Variants in HDAC4 observed in about 807,000 individuals in gnomAD.
HDAC4 encodes histone deacetylase A.
In HDAC4, 16 loss-of-function variants were observed where a neutral mutation model predicts 135.1. The ratio of observed to expected loss-of-function variants is 0.12; its 90% CI spans 0.08 to 0.18. HDAC4 has a LOEUF of 0.18. Ranked by LOEUF, HDAC4 falls within the 10% of genes least tolerant of loss-of-function variation. The pLI is 1.00. For synonymous variants in HDAC4, 685 were observed against 653.4 expected, an observed-to-expected ratio of 1.05 and a Z score of -0.74; for missense variants, 1,143 against 1,511.8, an observed-to-expected ratio of 0.76 and a Z score of 4.05.
At position 239,079,297 on chromosome 2, in the gene HDAC4, G is replaced by A. The variant is rs551148190; in HGVS notation, c.2750+1798C>T. ...TAAGAAGAAACATCAAAATCAAACC[G>A]ATGAGATCAGGGGAAAAGTGGTTCA... On this transcript the variant is annotated intron_variant, in intron 22 of 26. Coordinates refer to ENST00000543185, the MANE Select transcript of HDAC4 (RefSeq NM_001378414.1). Among the ~76,000 whole-genome samples, 132 of 152,314 alleles carry A rather than the reference G, an allele frequency of 8.7e-4. 1 individual carries two copies. The highest frequency in any genetic ancestry group is 2.6e-3 in the African/African-American group (110 of 41,554).
chr2:239,066,961 T>C, intron 23 of HDAC4, 106 bp from the exon 24 acceptor site: 1 of 1,374,620 alleles, frequency 7.3e-7, no homozygotes, highest in Non-Finnish European at 1.0e-6. Context: ...GGCTGGGGTG[T>C]CGAGACACAT....
At chr2:239,350,486 A>G (rs536076032) in intron 2 of HDAC4, among the ~76,000 whole-genome samples, 14 of 152,124 alleles carry the variant, frequency 9.2e-5, no homozygotes, top group Non-Finnish European at 1.8e-4. Flanking sequence ...TCCTATATAT[A>G]AATAAAATAT....
intron 2 of HDAC4, among the ~76,000 whole-genome samples, chr2:239,273,878 A>G (rs1353572193): frequency 1.3e-5 from 2 of 152,252 alleles, no homozygotes. Flanking sequence ...CAACAGCCAC[A>G]TACAAAAAGA....
chr2:239,376,050 G>A (rs577237387), intron 1 of HDAC4, among the ~76,000 whole-genome samples: 18 of 152,336 alleles, frequency 1.2e-4, no homozygotes, highest in Middle Eastern at 3.4e-3. Flanking sequence ...GCAGGTTCTG[G>A]GCAATGATGT....
intron 2 of HDAC4, among the ~76,000 whole-genome samples, chr2:239,271,194 G>C (rs1208632713): frequency 1.3e-5 from 2 of 152,174 alleles, no homozygotes; most frequent in Non-Finnish European, 2.9e-5. Flanking sequence ...GCTCACTGCA[G>C]CCTCGACTTC....
At chr2:239,201,850 C>G (rs188916263) in intron 3 of HDAC4, among the ~76,000 whole-genome samples, 2 of 152,196 alleles carry the variant, frequency 1.3e-5, no homozygotes, top group Admixed American at 1.3e-4. Context: ...TTATGTAAAT[C>G]GGCTTTCACT....
At chr2:239,127,510 A>C (rs947216164) in intron 11 of HDAC4, among the ~76,000 whole-genome samples, 1 of 152,238 alleles carries the variant, frequency 6.6e-6, no homozygotes, top group Admixed American at 6.5e-5. Context: ...TTTTGTGGGC[A>C]AAAGGATCTA....
chr2:239,266,490 G>T (rs904921783), intron 2 of HDAC4, among the ~76,000 whole-genome samples: 1 of 152,200 alleles, frequency 6.6e-6, no homozygotes, highest in Non-Finnish European at 1.5e-5. Context: ...AGGTGCCTCC[G>T]GGGCTGCTGA....
chr2:239,357,888 C>CAAAAAAAA (rs71043188), intron 1 of HDAC4, among the ~76,000 whole-genome samples: 2 of 55,616 alleles, frequency 3.6e-5, no homozygotes, highest in African/African-American at 8.7e-5. Context: ...GCCTCTGTTC[C>CAAAAAAAA]AAAAAAAAAA....
At chr2:239,322,259 A>G (rs1223690169) in intron 2 of HDAC4, among the ~76,000 whole-genome samples, 1 of 152,244 alleles carries the variant, frequency 6.6e-6, no homozygotes, top group Non-Finnish European at 1.5e-5. Context: ...TCCAGATCCT[A>G]TTCTACTGCC....
chr2:239,327,609 T>C (rs1224337594), intron 2 of HDAC4, among the ~76,000 whole-genome samples: 1 of 152,216 alleles, frequency 6.6e-6, no homozygotes, highest in Non-Finnish European at 1.5e-5. Flanking sequence ...AATCTTGAAA[T>C]CAGACGCTAG....
chr2:239,122,941 G>T (rs957134217), intron 12 of HDAC4, among the ~76,000 whole-genome samples: 1 of 152,196 alleles, frequency 6.6e-6, no homozygotes, highest in African/African-American at 2.4e-5. Flanking sequence ...CCCTGGGGAC[G>T]TCATCCTCCA....
rs2051068434 is a variant in HDAC4 at position 239,285,230 on chromosome 2, G to A, written c.23-48566C>T. Among the ~76,000 whole-genome samples the A allele has an allele frequency of 6.6e-6, 1 of 152,218 alleles. No homozygotes were observed. Among genetic ancestry groups the A allele is most frequent in the African/African-American group, 2.4e-5 (1 of 41,468 alleles). ...TGAGCACAGAGCCACGGTGGAGGGG[G>A]ACAGAGCCACGCTAAGGAGGAACAC... On this transcript the variant is annotated intron_variant, in intron 2 of 26. Coordinates refer to ENST00000543185, the MANE Select transcript of HDAC4 (RefSeq NM_001378414.1). The surrounding 1 kb of genome is among the most constrained non-coding windows in gnomAD (Gnocchi z 4.5).
At chr2:239,138,912 C>A (rs568430327) in intron 9 of HDAC4, among the ~76,000 whole-genome samples, 1 of 152,200 alleles carries the variant, frequency 6.6e-6, no homozygotes, top group Non-Finnish European at 1.5e-5. Context: ...GTGTGCGACT[C>A]GGCCAGCCTG....
chr2:239,126,594 G>A lies in HDAC4; in HGVS notation c.1395C>T (p.Arg465=), dbSNP rs201706907. 3.3e-5 allele frequency: 54 copies of A among 1,613,910 alleles called. No homozygotes were observed. The East Asian group carries it at 1.1e-3, about 32-fold the overall frequency. The change falls in exon 12 of 27, where the codon CGC becomes CGT. Residue 465 remains arginine, a synonymous_variant. Coordinates refer to ENST00000543185, the MANE Select transcript of HDAC4 (RefSeq NM_001378414.1). Reference sequence around the variant, plus strand: ...GGGCCGACTGGGTCCGCCCCAGTGGGCGGTGCTGCCGCAGCTTGTGGATGG... The same window carrying A: ...GGGCCGACTGGGTCCGCCCCAGTGGACGGTGCTGCCGCAGCTTGTGGATGG... The part of the protein sequence containing the change: ...SPSIHKLRQH[R]PLGRTQSAPL...
intron 15 of HDAC4, among the ~76,000 whole-genome samples, chr2:239,107,682 A>C (rs1422838491): frequency 6.6e-6 from 1 of 152,258 alleles, no homozygotes; most frequent in Non-Finnish European, 1.5e-5. Context: ...CCTTCCTGGC[A>C]GCCCTGGGGG....
chr2:239,269,801 C>T (rs953461095), intron 2 of HDAC4, among the ~76,000 whole-genome samples: 3 of 152,064 alleles, frequency 2.0e-5, no homozygotes, highest in Non-Finnish European at 4.4e-5. Context: ...CCAAGTTGCT[C>T]GAAAAGGGAA....
intron 2 of HDAC4, among the ~76,000 whole-genome samples, chr2:239,324,208 A>T (rs1284466039): frequency 6.6e-6 from 1 of 152,220 alleles, no homozygotes; most frequent in Non-Finnish European, 1.5e-5. Flanking sequence ...TGAATTTGAA[A>T]CCCAAATTGG....
At chr2:239,120,408 C>CACAGACACAG (rs1553622888) in intron 12 of HDAC4, among the ~76,000 whole-genome samples, 1 of 144,972 alleles carries the variant, frequency 6.9e-6, no homozygotes, top group African/African-American at 2.5e-5. Context: ...CACAGACACA[C>CACAGACACAG]ACACACAGAC....
Sources: allele counts gnomAD v4.1 joint callset (sites outside exome capture counted in the v4.1 genomes callset), GRCh38; gene constraint gnomAD v4.1.1; non-coding constraint Gnocchi (gnomAD v3.1); transcripts MANE v1.5; gene names NCBI Gene and HGNC (gene_info 2026-07-23, HGNC 2026-07-21).